FLNB: variants seen among roughly 807,000 people sequenced by gnomAD.
FLNB encodes filamin B.
Under a neutral mutation model 250.6 loss-of-function variants are expected in FLNB, and 111 were observed. The ratio of observed to expected loss-of-function variants is 0.44; its 90% CI spans 0.38 to 0.52. FLNB has a LOEUF of 0.52. Ranked by LOEUF, FLNB falls within the 20% of genes least tolerant of loss-of-function variation. The probability of loss-of-function intolerance (pLI) is 0.00; values close to 1 mark genes in which losing one functional copy is unlikely to be tolerated. For synonymous variants in FLNB, 1,302 were observed against 1,372.1 expected (o/e 0.95, Z 1.13); for missense variants, 2,869 against 3,447.8 (o/e 0.83, Z 4.20).
rs3732634 is a variant in FLNB at position 58,119,150 on chromosome 3, G to A, written c.2863+161G>A. Among the ~76,000 whole-genome samples, 16,609 of 152,126 alleles carry A rather than the reference G, an allele frequency of 0.11. 1,165 individuals are homozygous for A. Among genetic ancestry groups the A allele is most frequent in the African/African-American group, 0.19 (8,024 of 41,454 alleles). On this transcript the variant is annotated intron_variant, in intron 19 of 45. Transcript: ENST00000295956. ...GTTCGAATTAAGGCCGTGGTGTGAAGTAACTGTGACTGTGTCTGCCCCTTA... is the reference window on the plus strand; with the variant it reads ...GTTCGAATTAAGGCCGTGGTGTGAAATAACTGTGACTGTGTCTGCCCCTTA...
chr3:58,158,698 C>A (rs2097356901), intron 41 of FLNB, among the ~76,000 whole-genome samples: 1 of 152,192 alleles, frequency 6.6e-6, no homozygotes, highest in Non-Finnish European at 1.5e-5. Flanking sequence ...TCTTAACCAT[C>A]TGAACTTCTA....
intron 24 of FLNB, among the ~76,000 whole-genome samples, chr3:58,127,567 G>C (rs1477389158): frequency 1.3e-5 from 2 of 152,112 alleles, no homozygotes; most frequent in African/African-American, 4.8e-5. Flanking sequence ...GGGCTGTCCT[G>C]TTCATTGTAG....
intron 1 of FLNB, among the ~76,000 whole-genome samples, chr3:58,009,730 A>G (rs1198796561): frequency 1.3e-5 from 2 of 152,148 alleles, no homozygotes; most frequent in Non-Finnish European, 2.9e-5. Context: ...CTGAGAACTG[A>G]AGGAAGTGGG....
intron 1 of FLNB, among the ~76,000 whole-genome samples, chr3:58,059,881 A>G (rs1355292628): frequency 6.6e-6 from 1 of 151,890 alleles, no homozygotes. Context: ...CTTCCTGTGT[A>G]CTCCCGTTTG....
chr3:58,142,045 G>T lies in FLNB; in HGVS notation c.5181+116G>T, dbSNP rs1008981233. The T allele has an allele frequency of 1.3e-5, 11 of 849,092 alleles. No individual in the cohort carries two copies. In the African/African-American group the frequency reaches 1.7e-4, roughly 13 times the overall value. 52.6% of individuals were successfully genotyped at this position (849,092 alleles called of 1,614,324 possible). On this transcript the variant is annotated intron_variant, in intron 30 of 45. Coordinates refer to ENST00000295956, the MANE Select transcript of FLNB (RefSeq NM_001457.4). The surrounding 1 kb of genome is among the most constrained non-coding windows in gnomAD (Gnocchi z 4.3). ...CCCTGTGGGTGTCCTGGTCATTGGT[G>T]TGCCCCTCACTGATCAGCCCATCAC... is the stretch of plus-strand genomic sequence containing the variant.
At chr3:58,141,734 G>A (rs2097327469) in intron 29 of FLNB, 124 bp from the exon 30 acceptor site, 4 of 925,302 alleles carry the variant, frequency 4.3e-6, no homozygotes, top group South Asian at 2.7e-5. Flanking sequence ...AGTGTCCTTC[G>A]CTAGAGTGAG....
intron 1 of FLNB, among the ~76,000 whole-genome samples, chr3:58,022,680 G>A (rs542160908): frequency 6.6e-6 from 1 of 152,292 alleles, no homozygotes; most frequent in South Asian, 2.1e-4. Context: ...TTCCCGTTAT[G>A]CAGATGAGAA....
At chr3:58,112,467 C>T in intron 18 of FLNB, 149 bp downstream of exon 18, 1 of 758,328 alleles carries the variant, frequency 1.3e-6, no homozygotes, top group South Asian at 1.5e-5. Flanking sequence ...ACTTTGAACC[C>T]CTCTGGGAGC....
rs375645067 is a variant in FLNB at position 58,081,579 on chromosome 3, G to C, written c.640-50G>C. 6 of 1,587,206 alleles carry C rather than the reference G, an allele frequency of 3.8e-6. No individual in the cohort carries two copies. In the South Asian group the frequency reaches 6.6e-5, roughly 18 times the overall value. On this transcript the variant is annotated intron_variant, in intron 3 of 45. Coordinates refer to ENST00000295956, the MANE Select transcript of FLNB (RefSeq NM_001457.4). ...AGAGGCATTTGCAAACACTTCAATA[G>C]TTGCAAAGTGATGTGTTCTGGGTGT...
intron 4 of FLNB, among the ~76,000 whole-genome samples, chr3:58,089,107 CA>C (rs534465702): frequency 3.2e-4 from 44 of 138,870 alleles, no homozygotes; most frequent in Non-Finnish European, 3.1e-4. Flanking sequence ...TATCCAGTTT[CA>C]AAAAAAAAAA....
At chr3:58,093,305 G>A (rs2097231429) in intron 4 of FLNB, among the ~76,000 whole-genome samples, 1 of 152,154 alleles carries the variant, frequency 6.6e-6, no homozygotes, top group East Asian at 1.9e-4. Context: ...GCACATGGAT[G>A]TGTTCACCAA....
intron 22 of FLNB, among the ~76,000 whole-genome samples, chr3:58,125,104 A>G (rs1259834191): frequency 2.0e-5 from 3 of 152,142 alleles, no homozygotes; most frequent in Non-Finnish European, 4.4e-5. Context: ...TATTATTTAA[A>G]AGTCAGATCA....
At chr3:58,026,396 A>T (rs1323063457) in intron 1 of FLNB, among the ~76,000 whole-genome samples, 1 of 151,920 alleles carries the variant, frequency 6.6e-6, no homozygotes. Flanking sequence ...CATCTGTCAA[A>T]ATTTTTGCTG....
intron 5 of FLNB, 87 bp downstream of exon 5, chr3:58,095,041 T>C: frequency 9.7e-7 from 1 of 1,028,254 alleles, no homozygotes; most frequent in Non-Finnish European, 1.5e-6. Context: ...GCCTCCATTT[T>C]CATTTCAGCT....
At chr3:58,168,689 CCCTTCCTG>C in intron 44 of FLNB, 31 bp downstream of exon 44, 1 of 1,493,492 alleles carries the variant, frequency 6.7e-7, no homozygotes, top group Non-Finnish European at 9.3e-7. Context: ...GAGTTACTCT[CCCTTCCTG>C]GGGAGCTGGT....
chr3:58,169,533 G>A lies in FLNB; in HGVS notation c.7418-57G>A. 2 of 1,430,114 alleles carry A rather than the reference G, an allele frequency of 1.4e-6. No individual in the cohort carries two copies. The highest frequency in any genetic ancestry group is 2.0e-6 in the Non-Finnish European group (2 of 1,012,348). The allele number at this position is 1,430,114 out of a possible 1,614,324, so 88.6% of individuals were successfully genotyped here. A position where few individuals can be genotyped will look rare whatever the true frequency, so the allele number is the denominator to read the frequency against. The stretch of plus-strand genomic sequence containing the variant: ...TAGGGTACTCGCCTGTCCTCTGGCT[G>A]AGAGACCCCTCTTGATCTGGCCATT... On this transcript the variant is annotated intron_variant, in intron 44 of 45. Coordinates refer to ENST00000295956, the MANE Select transcript of FLNB (RefSeq NM_001457.4). The surrounding 1 kb of genome is among the most constrained non-coding windows in gnomAD (Gnocchi z 4.8).
At chr3:58,149,718 G>A (rs1356151558) in intron 36 of FLNB, 132 bp from the exon 37 acceptor site, 1 of 1,172,082 alleles carries the variant, frequency 8.5e-7, no homozygotes, top group Non-Finnish European at 1.2e-6. Flanking sequence ...TTGCAAACGA[G>A]GCCGCCATTG....
At chr3:58,072,613 C>G (rs1039594689) in intron 1 of FLNB, among the ~76,000 whole-genome samples, 1 of 152,144 alleles carries the variant, frequency 6.6e-6, no homozygotes, top group African/African-American at 2.4e-5. Flanking sequence ...AAGTCGCCAT[C>G]TTTTTATTGT....
intron 31 of FLNB, among the ~76,000 whole-genome samples, chr3:58,143,151 G>T (rs1237499490): frequency 6.6e-6 from 1 of 152,016 alleles, no homozygotes; most frequent in Non-Finnish European, 1.5e-5. Context: ...TCTTTTCAAT[G>T]GCCCACTTCT....
Sources: gnomAD v4.1 joint callset for allele counts (sites outside exome capture counted in the v4.1 genomes callset) on GRCh38, gnomAD v4.1.1 for gene constraint, Gnocchi (gnomAD v3.1) non-coding constraint, MANE v1.5 for transcripts, NCBI Gene and HGNC (gene_info 2026-07-23, HGNC 2026-07-21) for gene names.